The following DCAF10 variants were observed in gnomAD, a reference collection of about 807,000 sequenced individuals.
DCAF10 encodes DDB1- and CUL4-associated factor 10.
In DCAF10, 19 loss-of-function variants were observed where a neutral mutation model predicts 51.9. The observed-to-expected ratio is 0.37, with a 90% confidence interval of 0.26 to 0.54. The LOEUF is 0.54. Ranked by LOEUF, DCAF10 falls within the 20% of genes least tolerant of loss-of-function variation. The probability of loss-of-function intolerance (pLI) is 0.87; values close to 1 mark genes in which losing one functional copy is unlikely to be tolerated. For missense variants in DCAF10, 510 were observed against 730.6 expected, an observed-to-expected ratio of 0.70 and a Z score of 3.48; for synonymous variants, 291 against 297.1, an observed-to-expected ratio of 0.98 and a Z score of 0.21.
chr9:37,848,717 A>T (rs1332331956), intron 3 of DCAF10, among the ~76,000 whole-genome samples: 1 of 149,536 alleles, frequency 6.7e-6, no homozygotes, highest in African/African-American at 2.5e-5. Context: ...CACACCTGTA[A>T]TCCCAGCACT....
chr9:37,855,888 C>T (rs1419404007), intron 4 of DCAF10, among the ~76,000 whole-genome samples: 2 of 152,140 alleles, frequency 1.3e-5, no homozygotes, highest in African/African-American at 2.4e-5. Context: ...CAGTGGCTCA[C>T]GTTTGTAATC....
chr9:37,823,876 C>CTTTT (rs1193191524), intron 2 of DCAF10, among the ~76,000 whole-genome samples: 53 of 120,748 alleles, frequency 4.4e-4, no homozygotes, highest in African/African-American at 8.1e-4. Flanking sequence ...TAGAGCACAT[C>CTTTT]TTTTTTTTTT....
chr9:37,855,111 A>G, intron 4 of DCAF10, 129 bp downstream of exon 4: 1 of 817,008 alleles, frequency 1.2e-6, no homozygotes, highest in South Asian at 1.8e-5. Flanking sequence ...TTCTTTAGAA[A>G]GCTCATTGAT....
intron 1 of DCAF10, among the ~76,000 whole-genome samples, chr9:37,811,751 A>G (rs905140859): frequency 1.3e-5 from 2 of 152,186 alleles, no homozygotes; most frequent in South Asian, 2.1e-4. Flanking sequence ...AAAAGATCTT[A>G]TAAATATAAA....
rs560204637 is a variant in DCAF10 at position 37,852,595 on chromosome 9, C to G, written c.852-2185C>G. On this transcript the variant is annotated intron_variant, in intron 3 of 6. Transcript: ENST00000377724. The stretch of plus-strand genomic sequence containing the variant: ...CCTGGGCAACAGAGGGAGACCCAGT[C>G]TCTTAAAAGAGTGAAATAAAGATTT... 1.4e-3 allele frequency among the ~76,000 whole-genome samples: 208 copies of G among 144,892 alleles called. 3 individuals carry two copies. Among genetic ancestry groups the G allele is most frequent in the East Asian group, 2.3e-3 (12 of 5,118 alleles).
intron 2 of DCAF10, among the ~76,000 whole-genome samples, chr9:37,831,073 A>G (rs2117944623): frequency 6.6e-6 from 1 of 152,212 alleles, no homozygotes; most frequent in East Asian, 1.9e-4. Flanking sequence ...AAATACAAAA[A>G]TTAGCTGGGC....
At chr9:37,803,541 C>T (rs1829020812) in intron 1 of DCAF10, among the ~76,000 whole-genome samples, 1 of 151,638 alleles carries the variant, frequency 6.6e-6, no homozygotes, top group African/African-American at 2.4e-5. Context: ...TTCCTACATT[C>T]TAGACACATG....
chr9:37,840,738 C>T (rs1232836469), intron 2 of DCAF10, among the ~76,000 whole-genome samples: 2 of 152,084 alleles, frequency 1.3e-5, no homozygotes, highest in Non-Finnish European at 2.9e-5. Context: ...GACAGTAATG[C>T]CCTAGGCCTT....
chr9:37,832,809 G>A (rs1830045272), intron 2 of DCAF10, among the ~76,000 whole-genome samples: 1 of 152,192 alleles, frequency 6.6e-6, no homozygotes, highest in Non-Finnish European at 1.5e-5. Flanking sequence ...AGGCTCTTGG[G>A]AAAATTGATG....
intron 1 of DCAF10, among the ~76,000 whole-genome samples, chr9:37,804,204 A>G (rs1055232415): frequency 6.6e-6 from 1 of 151,938 alleles, no homozygotes; most frequent in African/African-American, 2.4e-5. Context: ...AACACAGAGC[A>G]TAGAGAGAAA....
chr9:37,848,156 A>G (rs1467290650), intron 3 of DCAF10, among the ~76,000 whole-genome samples: 4 of 152,190 alleles, frequency 2.6e-5, no homozygotes, highest in African/African-American at 4.8e-5. Flanking sequence ...TTAGAAAACA[A>G]TTTGGCAGTT....
At chr9:37,815,443 G>A (rs942144700) in intron 1 of DCAF10, among the ~76,000 whole-genome samples, 97 of 152,248 alleles carry the variant, frequency 6.4e-4, no homozygotes, top group African/African-American at 1.9e-3. Flanking sequence ...TCAGCAGTTC[G>A]AGACTAGCCT....
chr9:37,836,295 G>T, intron 2 of DCAF10: 2 of 1,599,590 alleles, frequency 1.3e-6, no homozygotes, highest in Non-Finnish European at 1.7e-6. Flanking sequence ...ACCTGAAAGG[G>T]TTGCCATGGA....
In DCAF10 at chr9:37,801,034, C is replaced by T. The variant is rs1203490997; in HGVS notation, c.168C>T (p.Arg56=). The T allele has an allele frequency of 2.6e-6, 4 of 1,538,766 alleles. No individual in the cohort carries two copies. The highest frequency in any genetic ancestry group is 1.4e-5 in the African/African-American group (1 of 70,570). Residue 56 remains arginine (R), a synonymous_variant, in exon 1 of 7, where the codon CGC becomes CGT. Coordinates refer to ENST00000377724, the MANE Select transcript of DCAF10 (RefSeq NM_024345.5). The surrounding 1 kb of genome is among the most constrained non-coding windows in gnomAD (Gnocchi z 5.5). The stretch of plus-strand genomic sequence containing the variant: ...CTCCACCCGCCCGAAGCCCTCGCCG[C>T]CCCGGCGCCCCATCGCTGTCCCCGG... ...HPPPPARSPR[R]PGAPSLSPAP...
intron 2 of DCAF10, among the ~76,000 whole-genome samples, chr9:37,837,423 C>T (rs1424561722): frequency 6.8e-6 from 1 of 146,318 alleles, no homozygotes; most frequent in Non-Finnish European, 1.5e-5. Context: ...CGCGCCACTG[C>T]ACTCCAGCCT....
At chr9:37,821,894 C>T (rs1829712276) in intron 2 of DCAF10, among the ~76,000 whole-genome samples, 1 of 151,580 alleles carries the variant, frequency 6.6e-6, no homozygotes, top group African/African-American at 2.4e-5. Context: ...CCAGAATCTA[C>T]AACAAACTCA....
intron 1 of DCAF10, among the ~76,000 whole-genome samples, chr9:37,804,204 A>C (rs1055232415): frequency 6.6e-6 from 1 of 151,938 alleles, no homozygotes; most frequent in African/African-American, 2.4e-5. Context: ...AACACAGAGC[A>C]TAGAGAGAAA....
chr9:37,854,882 C>T lies in DCAF10; in HGVS notation c.954C>T (p.Ser318=). The T allele has an allele frequency of 6.2e-7, 1 of 1,614,002 alleles. No homozygotes were observed. The highest frequency in any genetic ancestry group is 8.5e-7 in the Non-Finnish European group (1 of 1,179,954). The change falls in exon 4 of 7, where the codon TCC becomes TCT. Residue 318 remains serine (S), a synonymous_variant. Coordinates refer to ENST00000377724, the MANE Select transcript of DCAF10 (RefSeq NM_024345.5). ...PDCSKMLIST[S]SGYLLILHDL... is the part of the protein sequence containing the mutation. Reference sequence around the variant, plus strand: ...GTTCCAAAATGTTGATTTCAACGTCCTCTGGATATCTCTTAATTTTGCATG... The same window carrying T: ...GTTCCAAAATGTTGATTTCAACGTCTTCTGGATATCTCTTAATTTTGCATG...
In DCAF10 at chr9:37,801,307, C is replaced by T; in HGVS notation, c.441C>T (p.Thr147=). ...ACCCGGCGCGGGACAATTTTCGCACCATGACTAGCCTCTACGGTTCCATCC... is the reference window on the plus strand; with the variant it reads ...ACCCGGCGCGGGACAATTTTCGCACTATGACTAGCCTCTACGGTTCCATCC... ...FVDPARDNFR[T]MTSLYGSIHP... The change falls in exon 1 of 7, where the codon ACC becomes ACT. Residue 147 remains threonine (T), a synonymous_variant. Coordinates refer to ENST00000377724, the MANE Select transcript of DCAF10 (RefSeq NM_024345.5). This position sits in a 1 kb window ranked among gnomAD's most constrained non-coding sequence, Gnocchi z 5.5. The T allele has an allele frequency of 6.3e-7, 1 of 1,597,426 alleles. No individual in the cohort carries two copies.
Sources: allele counts gnomAD v4.1 joint callset (sites outside exome capture counted in the v4.1 genomes callset), GRCh38; gene constraint gnomAD v4.1.1; non-coding constraint Gnocchi (gnomAD v3.1); transcripts MANE v1.5; gene names NCBI Gene and HGNC (gene_info 2026-07-23, HGNC 2026-07-21).